The following BCAS3 variants were observed in gnomAD, a reference collection of about 807,000 sequenced individuals.
BCAS3 encodes BCAS4/BCAS3 fusion.
A neutral mutation model predicts 116.1 loss-of-function variants in BCAS3; 53 were observed. The ratio of observed to expected loss-of-function variants is 0.46; its 90% CI spans 0.37 to 0.57. The LOEUF (loss-of-function observed/expected upper bound fraction) is 0.57, where lower values mean the gene tolerates loss of function less well. BCAS3 is among the 20% of genes least tolerant of loss of function. The pLI is 0.00. For missense variants in BCAS3, 917 were observed against 1,165.4 expected, an observed-to-expected ratio of 0.79 and a Z score of 3.10; for synonymous variants, 391 against 408.2, an observed-to-expected ratio of 0.96 and a Z score of 0.51.
chr17:60,766,681 T>C (rs2044129381), intron 6 of BCAS3, among the ~76,000 whole-genome samples: 1 of 152,196 alleles, frequency 6.6e-6, no homozygotes, highest in Admixed American at 6.5e-5. Flanking sequence ...CAGTCTGTCT[T>C]TTCTCAGAGC....
chr17:60,906,498 T>C (rs1335378595), intron 11 of BCAS3, among the ~76,000 whole-genome samples: 2 of 152,138 alleles, frequency 1.3e-5, no homozygotes, highest in African/African-American at 2.4e-5. Context: ...TTGACTCTCA[T>C]AGATGATTTT....
intron 22 of BCAS3, among the ~76,000 whole-genome samples, chr17:61,360,719 T>C (rs888593981): frequency 6.6e-6 from 1 of 152,240 alleles, no homozygotes; most frequent in Admixed American, 6.5e-5. Flanking sequence ...GATCCTTAAT[T>C]ACATTTGCAA....
chr17:60,805,405 C>G (rs1312993518), intron 6 of BCAS3, among the ~76,000 whole-genome samples: 1 of 152,070 alleles, frequency 6.6e-6, no homozygotes, highest in African/African-American at 2.4e-5. Flanking sequence ...ACTTCTCTGA[C>G]CTCTCAGGGT....
Position 60,868,685 on chromosome 17 carries a change from T to C in BCAS3, c.584+2T>C. 6.4e-7 allele frequency: 1 copy of C among 1,552,046 alleles called. No individual in the cohort carries two copies. ...TTATGATCTCCATTGCAATAAACGG[T>C]AAGGATTTTTTCATGGGTTTCTTGT... On this transcript the variant is annotated splice_donor_variant, in intron 8 of 23. Transcript: ENST00000407086. LOFTEE classifies it high-confidence loss of function.
intron 10 of BCAS3, among the ~76,000 whole-genome samples, chr17:60,893,212 T>C (rs1201815178): frequency 6.6e-6 from 1 of 152,206 alleles, no homozygotes; most frequent in African/African-American, 2.4e-5. Flanking sequence ...CTCTATCGAT[T>C]ATTTCTTTTG....
chr17:60,944,622 A>G (rs1049875553), intron 13 of BCAS3, among the ~76,000 whole-genome samples: 2 of 152,150 alleles, frequency 1.3e-5, no homozygotes, highest in African/African-American at 4.8e-5. Context: ...ATAAGAAAAT[A>G]TTCAAGAAAA....
chr17:61,298,473 A>G (rs1242020327), intron 22 of BCAS3, among the ~76,000 whole-genome samples: 1 of 152,250 alleles, frequency 6.6e-6, no homozygotes, highest in African/African-American at 2.4e-5. Context: ...TGGCTCTAGT[A>G]TGTGGAAACT....
chr17:61,081,753 A>T (rs2072629749), intron 21 of BCAS3, among the ~76,000 whole-genome samples: 1 of 152,018 alleles, frequency 6.6e-6, no homozygotes, highest in African/African-American at 2.4e-5. Flanking sequence ...CCAATTAGAA[A>T]CCCAACTATT....
In BCAS3 at chr17:61,120,159, G is replaced by T. The variant is rs369457378; in HGVS notation, c.2425+35595G>T. ...CTTTAGTGTATCTGAAAGTATACAG[G>T]CAAGAATTGCTAAGATAACTTTTTA... On this transcript the variant is annotated intron_variant, in intron 22 of 23. Transcript: ENST00000407086. Among the ~76,000 whole-genome samples the T allele has an allele frequency of 5.9e-5, 9 of 152,008 alleles. No individual in the cohort carries two copies. The East Asian group carries it at 9.6e-4, about 16-fold the overall frequency.
intron 4 of BCAS3, among the ~76,000 whole-genome samples, chr17:60,691,014 C>G: frequency 6.6e-6 from 1 of 152,066 alleles, no homozygotes; most frequent in East Asian, 1.9e-4. Context: ...CTTACTGCAA[C>G]CTGCGCCTCC....
At position 61,094,994 on chromosome 17, in the gene BCAS3, G is replaced by A. The variant is rs1034376891; in HGVS notation, c.2425+10430G>A. ...GCTACAAAATCATGCAAGAGTAAAG[G>A]ACTCATTCCAAATGCAAGATAGGAC... On this transcript the variant is annotated intron_variant, in intron 22 of 23. Coordinates refer to ENST00000407086, the MANE Select transcript of BCAS3 (RefSeq NM_017679.5). Among the ~76,000 whole-genome samples the A allele has an allele frequency of 2.0e-4, 31 of 152,130 alleles. 1 individual carries two copies. The highest frequency in any genetic ancestry group is 7.4e-5 in the Non-Finnish European group (5 of 68,024).
chr17:61,242,958 T>C (rs2047647686), intron 22 of BCAS3, among the ~76,000 whole-genome samples: 1 of 151,890 alleles, frequency 6.6e-6, no homozygotes, highest in Non-Finnish European at 1.5e-5. Flanking sequence ...TGTCACCAGG[T>C]TGGAGTGCAA....
At chr17:61,081,130 T>C (rs2143512113) in intron 21 of BCAS3, among the ~76,000 whole-genome samples, 1 of 152,344 alleles carries the variant, frequency 6.6e-6, no homozygotes, top group Admixed American at 6.5e-5. Flanking sequence ...ATCTTAATAA[T>C]AAAGCGTTTA....
intron 22 of BCAS3, among the ~76,000 whole-genome samples, chr17:61,298,428 T>C (rs1340579271): frequency 6.6e-6 from 1 of 152,136 alleles, no homozygotes; most frequent in African/African-American, 2.4e-5. Flanking sequence ...CTCATTGATC[T>C]TAAAATAAAA....
In BCAS3 at chr17:61,130,581, G is replaced by A. The variant is rs1160193870; in HGVS notation, c.2425+46017G>A. On this transcript the variant is annotated intron_variant, in intron 22 of 23. Coordinates refer to ENST00000407086, the MANE Select transcript of BCAS3 (RefSeq NM_017679.5). This position sits in a 1 kb window ranked among gnomAD's most constrained non-coding sequence, Gnocchi z 5.0. The stretch of plus-strand genomic sequence containing the variant: ...TTTATCCTGTCATCCCTGTTCTCAA[G>A]AATCTTCAGTTGTATCCCATTTTAC... The A allele has an allele frequency of 6.6e-6, 1 of 152,164 alleles. No individual in the cohort carries two copies. Among genetic ancestry groups the A allele is most frequent in the Non-Finnish European group, 1.5e-5 (1 of 68,038 alleles). 9.4% of individuals were successfully genotyped at this position (152,164 alleles called of 1,614,324 possible).
Position 61,198,187 on chromosome 17 carries a change from C to A in BCAS3, c.2425+113623C>A, listed in dbSNP as rs1293545908. Among the ~76,000 whole-genome samples, 2 of 149,526 alleles carry A rather than the reference C, an allele frequency of 1.3e-5. No individual in the cohort carries two copies. The highest frequency in any genetic ancestry group is 3.0e-5 in the Non-Finnish European group (2 of 67,758). ...ACGGAGTCTCACTCTGTCCCCCAGG[C>A]TGGAGTGCAGTGGCCCAATCTCAGC... is the stretch of plus-strand genomic sequence containing the variant. On this transcript the variant is annotated intron_variant, in intron 22 of 23. Transcript: ENST00000407086. This position sits in a 1 kb window ranked among gnomAD's most constrained non-coding sequence, Gnocchi z 5.0.
At chr17:61,320,877 C>T (rs2055155178) in intron 22 of BCAS3, among the ~76,000 whole-genome samples, 2 of 152,116 alleles carry the variant, frequency 1.3e-5, no homozygotes, top group African/African-American at 2.4e-5. Context: ...GTAATCAGCT[C>T]TTCAGTCACA....
intron 4 of BCAS3, among the ~76,000 whole-genome samples, chr17:60,693,856 A>G (rs1224996779): frequency 6.8e-6 from 1 of 147,260 alleles, no homozygotes; most frequent in East Asian, 2.0e-4. Context: ...ATAGCATAAA[A>G]TTTACCATTT....
chr17:60,787,553 G>A (rs1461834612), intron 6 of BCAS3, among the ~76,000 whole-genome samples: 1 of 152,182 alleles, frequency 6.6e-6, no homozygotes, highest in Non-Finnish European at 1.5e-5. Flanking sequence ...TAACATTTGA[G>A]TATGCTGAGC....
Sources: allele counts gnomAD v4.1 joint callset (sites outside exome capture counted in the v4.1 genomes callset), GRCh38; gene constraint gnomAD v4.1.1; non-coding constraint Gnocchi (gnomAD v3.1); transcripts MANE v1.5; gene names NCBI Gene and HGNC (gene_info 2026-07-23, HGNC 2026-07-21).